The following MAP3K8 variants were observed in gnomAD, a reference collection of about 807,000 sequenced individuals.
The protein encoded by MAP3K8 is mitogen-activated protein kinase kinase kinase 8.
In MAP3K8, 22 loss-of-function variants were observed where a neutral mutation model predicts 45.8. That is an observed-to-expected ratio of 0.48 (90% CI 0.34 to 0.69). The LOEUF (loss-of-function observed/expected upper bound fraction) is 0.69. MAP3K8 is among the 30% of genes least tolerant of loss of function. The pLI, the probability that MAP3K8 is intolerant of heterozygous loss-of-function variation, is 0.01. For missense variants in MAP3K8, 419 were observed against 585.0 expected, an observed-to-expected ratio of 0.72 and a Z score of 2.93; for synonymous variants, 223 against 214.3, an observed-to-expected ratio of 1.04 and a Z score of -0.36.
At chr10:30,452,624 A>G (rs563695516) in intron 6 of MAP3K8, among the ~76,000 whole-genome samples, 18 of 143,566 alleles carry the variant, frequency 1.3e-4, no homozygotes, top group Non-Finnish European at 2.6e-4. Context: ...TGTTGCTTCA[A>G]AAAAAAAAAA....
chr10:30,434,397 T>A lies in MAP3K8; in HGVS notation c.-255+19T>A, dbSNP rs953891379. The A allele has an allele frequency of 1.1e-6, 1 of 946,262 alleles. No individual in the cohort carries two copies. The highest frequency in any genetic ancestry group is 1.3e-6 in the Non-Finnish European group (1 of 794,494). The allele number at this position is 946,262 out of a possible 1,614,324, so 58.6% of individuals were successfully genotyped here. On this transcript the variant is annotated intron_variant, in intron 1 of 8. Transcript: ENST00000263056. ...GCCGCAGGTAATCCAGGGTTGGGGG[T>A]CTCCGGCGTGTCTTTCGGGTCGCGT...
Position 30,438,916 on chromosome 10 carries a change from ACT to A in MAP3K8, c.-19_-18del. 6.6e-7 allele frequency: 1 copy of A among 1,522,508 alleles called. No individual in the cohort carries two copies. Among genetic ancestry groups the A allele is most frequent in the East Asian group, 2.3e-5 (1 of 43,974 alleles). 94.3% of individuals were successfully genotyped at this position (1,522,508 alleles called of 1,614,324 possible). ...TAAATATTTGTGTTTTCTTTCCTAG[ACT>A]CTCCAGAAAGAGCAACAGTAATGGA... On this transcript the variant is annotated splice_region_variant and 5_prime_UTR_variant, in exon 3 of 9. Transcript: ENST00000263056.
chr10:30,443,422 T>A (rs890113004), intron 3 of MAP3K8, among the ~76,000 whole-genome samples: 5 of 152,228 alleles, frequency 3.3e-5, no homozygotes. Context: ...ATTTTTTAAA[T>A]TGCATGTTCC....
At chr10:30,458,268 C>CGGGGGGGCGGGGG in intron 7 of MAP3K8, 32 bp downstream of exon 7, 1 of 439,436 alleles carries the variant, frequency 2.3e-6, no homozygotes, top group Non-Finnish European at 3.7e-6. Context: ...CTGGGGGCGG[C>CGGGGGGGCGGGGG]GGGGGGGGGC....
intron 6 of MAP3K8, among the ~76,000 whole-genome samples, chr10:30,453,731 G>A (rs1836628652): frequency 6.6e-6 from 1 of 152,018 alleles, no homozygotes. Flanking sequence ...ATTATTAAAA[G>A]AGCAACCGTT....
chr10:30,437,826 A>G (rs957861494), intron 2 of MAP3K8, among the ~76,000 whole-genome samples: 2 of 152,226 alleles, frequency 1.3e-5, no homozygotes, highest in Non-Finnish European at 2.9e-5. Context: ...AGAACTTGAA[A>G]TACCTTTCAG....
intron 3 of MAP3K8, chr10:30,439,529 G>C: frequency 1.2e-6 from 1 of 841,310 alleles, no homozygotes; most frequent in Non-Finnish European, 1.8e-6. Context: ...ATGTATTTTG[G>C]CCGGGTGCAG....
In MAP3K8 at chr10:30,460,714, T is replaced by G. The variant is rs561785057; in HGVS notation, c.1282T>G (p.Cys428Gly). ...ELPENIADSS[C>G]TGSTEESEML... ...AATGTTTTCCTTTTCAGATTCTTCG[T>G]GCACAGGAAGCACCGAGGAATCTGA... Residue 428 changes from cysteine (C) to glycine (G), a missense_variant, in exon 9 of 9, where the codon TGC becomes GGC. By Grantham distance (159) the Cys-to-Gly change is radical. This residue lies in a region of MAP3K8 where 108 missense variants were observed against 124.2 expected (regional missense o/e 0.87). Transcript: ENST00000263056. 3 of 1,606,456 alleles carry G rather than the reference T, an allele frequency of 1.9e-6. No homozygotes were observed. In the African/African-American group the frequency reaches 4.0e-5, roughly 22 times the overall value.
chr10:30,456,637 A>G (rs8177021), intron 6 of MAP3K8, among the ~76,000 whole-genome samples: 61 of 152,232 alleles, frequency 4.0e-4, no homozygotes, highest in African/African-American at 1.4e-3. Flanking sequence ...TGCACCAGCC[A>G]TGAATACAAA....
In MAP3K8 at chr10:30,438,948, A is replaced by C. The variant is rs1264548095; in HGVS notation, c.10A>C (p.Met4Leu). MEY[M>L]STGSDNKEEI... The stretch of plus-strand genomic sequence containing the variant: ...AGAAAGAGCAACAGTAATGGAGTAC[A>C]TGAGCACTGGAAGTGACAATAAAGA... Residue 4 changes from methionine to leucine, a missense_variant, in exon 3 of 9, where the codon ATG becomes CTG. Met to Leu is a conservative substitution (Grantham distance 15). This residue lies in a region of MAP3K8 where 102 missense variants were observed against 93.5 expected (regional missense o/e 1.09). Coordinates refer to ENST00000263056, the MANE Select transcript of MAP3K8 (RefSeq NM_005204.4). 1.9e-6 allele frequency: 3 copies of C among 1,606,918 alleles called. No homozygotes were observed. The African/African-American group carries it at 4.0e-5, about 21-fold the overall frequency.
chr10:30,460,704 A>G lies in MAP3K8; in HGVS notation c.1274-2A>G. 6.2e-7 allele frequency: 1 copy of G among 1,601,120 alleles called. No individual in the cohort carries two copies. On this transcript the variant is annotated splice_acceptor_variant, in intron 8 of 8. Coordinates refer to ENST00000263056, the MANE Select transcript of MAP3K8 (RefSeq NM_005204.4). LOFTEE classifies it high-confidence loss of function. ...CTTACTTTGTAATGTTTTCCTTTTCAGATTCTTCGTGCACAGGAAGCACCG... is the reference window on the plus strand; with the variant it reads ...CTTACTTTGTAATGTTTTCCTTTTCGGATTCTTCGTGCACAGGAAGCACCG...
At chr10:30,452,384 A>G (rs1836574771) in intron 6 of MAP3K8, among the ~76,000 whole-genome samples, 1 of 151,916 alleles carries the variant, frequency 6.6e-6, no homozygotes, top group South Asian at 2.1e-4. Flanking sequence ...GAGGAGAATC[A>G]TCTGAACTCA....
chr10:30,447,132 A>T (rs1836368194), intron 3 of MAP3K8, among the ~76,000 whole-genome samples: 2 of 152,208 alleles, frequency 1.3e-5, no homozygotes, highest in Admixed American at 1.3e-4. Context: ...GAGGTCAGGG[A>T]TCAGCCATCT....
chr10:30,437,434 C>A, intron 2 of MAP3K8, 28 bp downstream of exon 2: 1 of 449,444 alleles, frequency 2.2e-6, no homozygotes, highest in Non-Finnish European at 2.9e-6. Context: ...TTCCATTTTA[C>A]AGATGGGGAA....
At chr10:30,444,924 C>G (rs1195036661) in intron 3 of MAP3K8, among the ~76,000 whole-genome samples, 1 of 152,180 alleles carries the variant, frequency 6.6e-6, no homozygotes. Context: ...TCCTTAACCT[C>G]TTGAAGTCAG....
intron 3 of MAP3K8, among the ~76,000 whole-genome samples, chr10:30,444,475 A>G (rs1836241185): frequency 6.6e-6 from 1 of 152,176 alleles, no homozygotes; most frequent in African/African-American, 2.4e-5. Context: ...ATAAAATAAA[A>G]TAAAATTAAA....
chr10:30,439,874 C>T (rs1355945715), intron 3 of MAP3K8, among the ~76,000 whole-genome samples: 1 of 152,190 alleles, frequency 6.6e-6, no homozygotes, highest in African/African-American at 2.4e-5. Context: ...ATCAGTTATG[C>T]AGAAAAGAAA....
At chr10:30,451,542 T>C (rs1836539064) in intron 5 of MAP3K8, 96 bp from the exon 6 acceptor site, 2 of 597,370 alleles carry the variant, frequency 3.3e-6, no homozygotes, top group Non-Finnish European at 5.9e-6. Flanking sequence ...TTCAGTCTTT[T>C]CTGATTGGAG....
chr10:30,437,192 G>T lies in MAP3K8; in HGVS notation c.-238G>T. 1 of 985,008 alleles carries T rather than the reference G, an allele frequency of 1.0e-6. No individual in the cohort carries two copies. The highest frequency in any genetic ancestry group is 1.2e-6 in the Non-Finnish European group (1 of 829,884). The allele number at this position is 985,008 out of a possible 1,614,324, so 61.0% of individuals were successfully genotyped here. ...TTGTTTTAGATGCAATCTTCTTACC[G>T]CGAAGAAGCCAGGGGAATAGGTAGC... On this transcript the variant is annotated 5_prime_UTR_variant, in exon 2 of 9. Transcript: ENST00000263056.
Sources: allele counts gnomAD v4.1 joint callset (sites outside exome capture counted in the v4.1 genomes callset), GRCh38; gene constraint gnomAD v4.1.1; regional missense constraint gnomAD v4.1.1; transcripts MANE v1.5; gene names NCBI Gene and HGNC (gene_info 2026-07-23, HGNC 2026-07-21).